Variants in ATP5MC2 observed in about 807,000 individuals in gnomAD.
ATP5MC2 encodes ATP synthase membrane subunit c locus 2.
Under a neutral mutation model 13.5 loss-of-function variants are expected in ATP5MC2, and 11 were observed. The observed-to-expected ratio is 0.81, with a 90% CI of 0.51 to 1.35. The LOEUF (loss-of-function observed/expected upper bound fraction) is 1.35, where lower values mean the gene tolerates loss of function less well. Among genes scored for constraint, ATP5MC2 ranks in the 40% most tolerant of loss-of-function variants. The pLI is 0.00. For missense variants in ATP5MC2, 132 were observed against 175.0 expected (o/e 0.75, Z 1.39); for synonymous variants, 64 against 69.7 (o/e 0.92, Z 0.41).
chr12:53,677,134 C>T (rs1474662696), upstream of ATP5MC2: 1 of 152,576 alleles, frequency 6.6e-6, no homozygotes, highest in Non-Finnish European at 1.5e-5. Context: ...AAATCCGCCA[C>T]TCTCTGAGGG....
At chr12:53,674,587 G>T (rs1202902135) in intron 1 of ATP5MC2, among the ~76,000 whole-genome samples, 4 of 152,198 alleles carry the variant, frequency 2.6e-5, no homozygotes, top group Non-Finnish European at 4.4e-5. Context: ...TAAATGAACT[G>T]AACTCAGATT....
intron 2 of ATP5MC2, among the ~76,000 whole-genome samples, chr12:53,672,098 A>AAAAAAAAAAAAAC: frequency 6.6e-6 from 1 of 150,624 alleles, no homozygotes; most frequent in African/African-American, 2.4e-5. Context: ...AAAAAAAAAA[A>AAAAAAAAAAAAAC]AAAAAAATTA....
intron 4 of ATP5MC2, among the ~76,000 whole-genome samples, chr12:53,665,886 A>G (rs1293934647): frequency 6.6e-6 from 1 of 152,234 alleles, no homozygotes; most frequent in Non-Finnish European, 1.5e-5. Context: ...TTATTCTCTA[A>G]GACAGTCTCT....
chr12:53,675,613 G>C (rs1365304491), intron 1 of ATP5MC2, among the ~76,000 whole-genome samples: 1 of 152,174 alleles, frequency 6.6e-6, no homozygotes, highest in Non-Finnish European at 1.5e-5. Context: ...TATCTCCATT[G>C]CTCGGAGCAC....
chr12:53,678,050 G>A (rs1310312211), upstream of ATP5MC2, among the ~76,000 whole-genome samples: 4 of 152,154 alleles, frequency 2.6e-5, no homozygotes, highest in African/African-American at 9.7e-5. Flanking sequence ...GGCCTGGGAG[G>A]AAGCTAAAGC....
intron 4 of ATP5MC2, among the ~76,000 whole-genome samples, chr12:53,666,626 G>A (rs908146543): frequency 2.6e-4 from 39 of 151,512 alleles, no homozygotes; most frequent in South Asian, 8.4e-4. Flanking sequence ...TGGGGGTAGC[G>A]GTGCGTACCT....
intron 1 of ATP5MC2, 168 bp from the exon 2 acceptor site, chr12:53,672,813 C>T: frequency 1.6e-6 from 1 of 606,634 alleles, no homozygotes; most frequent in South Asian, 2.0e-5. Flanking sequence ...CTTCCAGAAA[C>T]CCCACACAGC....
intron 4 of ATP5MC2, among the ~76,000 whole-genome samples, chr12:53,666,030 G>A (rs908977894): frequency 6.6e-6 from 1 of 152,204 alleles, no homozygotes; most frequent in South Asian, 2.1e-4. Flanking sequence ...CAAATGGGCT[G>A]GGTGCGGTGG....
At chr12:53,677,494 A>G (rs1476299103), upstream of ATP5MC2, 1 of 152,212 alleles carries the variant, frequency 6.6e-6, no homozygotes, top group Admixed American at 6.5e-5. Context: ...AGAGGGATTT[A>G]TATGGGCCCG....
chr12:53,669,311 G>A lies in ATP5MC2; in HGVS notation c.148C>T (p.Leu50Phe), dbSNP rs199978143. 9.3e-6 allele frequency: 15 copies of A among 1,613,864 alleles called. No homozygotes were observed. Among genetic ancestry groups the A allele is most frequent in the Non-Finnish European group, 1.3e-5 (15 of 1,179,962 alleles). ...SLSSLAVSCP[L>F]TSLVSSRSFQ... ...CTGCGGCTAGAGACAAGTGAGGTAA[G>A]GGGACATGAGACTGCCAAGCTGCTG... The change falls in exon 4 of 5, where the codon CTT (leucine) becomes TTT (phenylalanine). Residue 50 changes from leucine to phenylalanine, a missense_variant. Leu to Phe is a conservative substitution (Grantham distance 22, BLOSUM62 0). Coordinates refer to ENST00000394349, the MANE Select transcript of ATP5MC2 (RefSeq NM_005176.7).
chr12:53,676,190 C>A (rs756550811), upstream of ATP5MC2: 3 of 1,612,742 alleles, frequency 1.9e-6, no homozygotes, highest in East Asian at 2.2e-5. Context: ...TCAGCTCAGG[C>A]ATCACAGCGC....
chr12:53,676,306 T>TAAGCCGATCCGTAACGTGG, upstream of ATP5MC2: 7 of 1,475,444 alleles, frequency 4.7e-6, no homozygotes, highest in Non-Finnish European at 6.4e-6. Flanking sequence ...CTCCGCGGAG[T>TAAGCCGATCCGTAACGTGG]AAGCCGATCC....
chr12:53,669,314 G>T lies in ATP5MC2; in HGVS notation c.145C>A (p.Pro49Thr), dbSNP rs1194394929. The T allele has an allele frequency of 6.2e-7, 1 of 1,613,870 alleles. No individual in the cohort carries two copies. The change falls in exon 4 of 5, where the codon CCC becomes ACC. Residue 49 changes from proline to threonine, a missense_variant. Transcript: ENST00000394349. ...CGGCTAGAGACAAGTGAGGTAAGGGGACATGAGACTGCCAAGCTGCTGAGG... is the reference window on the plus strand; with the variant it reads ...CGGCTAGAGACAAGTGAGGTAAGGGTACATGAGACTGCCAAGCTGCTGAGG... ...ESLSSLAVSC[P>T]LTSLVSSRSF...
At chr12:53,669,367 T>TA (rs1327798498) in intron 3 of ATP5MC2, 26 bp from the exon 4 acceptor site, 4 of 1,597,968 alleles carry the variant, frequency 2.5e-6, no homozygotes, top group Non-Finnish European at 3.4e-6. Flanking sequence ...AGGTAGAAGG[T>TA]AAAGTTTTTT....
intron 4 of ATP5MC2, among the ~76,000 whole-genome samples, chr12:53,666,759 C>CAAAAA: frequency 7.4e-6 from 1 of 135,376 alleles, no homozygotes; most frequent in Non-Finnish European, 1.6e-5. Context: ...GACTCTGTCT[C>CAAAAA]AAAAAAATAA....
intron 1 of ATP5MC2, among the ~76,000 whole-genome samples, chr12:53,674,936 T>A (rs1373920197): frequency 6.6e-6 from 1 of 152,246 alleles, no homozygotes; most frequent in South Asian, 2.1e-4. Flanking sequence ...TTATACCTTA[T>A]TATCTTCTTT....
upstream of ATP5MC2, among the ~76,000 whole-genome samples, chr12:53,681,094 C>T (rs373950609): frequency 1.3e-4 from 19 of 151,694 alleles, 1 homozygote; most frequent in East Asian, 2.3e-3. Flanking sequence ...TTAGTAGATA[C>T]GGAGTTTCAC....
intron 1 of ATP5MC2, among the ~76,000 whole-genome samples, chr12:53,675,603 T>C (rs1945239623): frequency 6.6e-6 from 1 of 152,224 alleles, no homozygotes; most frequent in African/African-American, 2.4e-5. Context: ...GACGATCCAC[T>C]ATCTCCATTG....
chr12:53,672,764 A>AGTCACTGT, intron 1 of ATP5MC2, 119 bp from the exon 2 acceptor site: 1 of 843,224 alleles, frequency 1.2e-6, no homozygotes, highest in Non-Finnish European at 1.8e-6. Context: ...ACCTTAAGTC[A>AGTCACTGT]TTGGCAGAAA....
Sources: allele counts gnomAD v4.1 joint callset (sites outside exome capture counted in the v4.1 genomes callset), GRCh38; gene constraint gnomAD v4.1.1; transcripts MANE v1.5; gene names NCBI Gene and HGNC (gene_info 2026-07-23, HGNC 2026-07-21).